Variants in SLC35F4 observed in about 807,000 individuals in gnomAD.
SLC35F4 encodes chromosome 14 open reading frame 36.
In SLC35F4, 24 loss-of-function variants were observed where a neutral mutation model predicts 44.2. The observed-to-expected ratio is 0.54, with a 90% CI of 0.39 to 0.76. The LOEUF (loss-of-function observed/expected upper bound fraction) is 0.76. Among genes scored for constraint, SLC35F4 ranks in the 30% least tolerant of loss-of-function variants. SLC35F4 has a pLI of 0.00. For synonymous variants in SLC35F4, 238 were observed against 223.6 expected, an observed-to-expected ratio of 1.06 and a Z score of -0.57; for missense variants, 562 against 586.1, an observed-to-expected ratio of 0.96 and a Z score of 0.42.
chr14:57,859,282 C>T (rs1887468211), intron 1 of SLC35F4, among the ~76,000 whole-genome samples: 1 of 152,110 alleles, frequency 6.6e-6, no homozygotes, highest in South Asian at 2.1e-4. Context: ...TTATTACAAA[C>T]AATATAGACC....
chr14:57,635,263 C>A (rs7492719), intron 1 of SLC35F4, among the ~76,000 whole-genome samples: 66,474 of 147,524 alleles, frequency 0.45, 15,542 homozygotes, highest in Non-Finnish European at 0.52. Context: ...AAAAAAAAAA[C>A]CCCAAATATC....
chr14:57,872,223 A>C (rs1048144957), intron 1 of SLC35F4, among the ~76,000 whole-genome samples: 1 of 152,208 alleles, frequency 6.6e-6, no homozygotes, highest in African/African-American at 2.4e-5. Flanking sequence ...TCTGCAGGAA[A>C]TATATTCACA....
rs184029510 is a variant in SLC35F4, at chr14:57,637,087, G to A, written c.104-42963C>T. On this transcript the variant is annotated intron_variant, in intron 1 of 7. Transcript: ENST00000556826. ...GTTTATACAAAGAAGCTTTGCATAC[G>A]TTATGTCATTGGACCTCAGAGCAAT... Among the ~76,000 whole-genome samples the A allele has an allele frequency of 3.6e-3, 546 of 152,144 alleles. 7 individuals carry two copies. The highest frequency in any genetic ancestry group is 0.011 in the African/African-American group (461 of 41,518).
In SLC35F4 at chr14:57,589,277, C is replaced by G. The variant is rs2070001091; in HGVS notation, c.526G>C (p.Val176Leu). ...GTGGCTAGATGACCAGAATAATAGA[C>G]TGGGAAAAACATAATGTTCCAGTTT... Reference protein sequence around the residue: ...STNWNIMFFPVYYSGHLATAQ... With the variant: ...STNWNIMFFPLYYSGHLATAQ... Residue 176 changes from valine to leucine, a missense_variant, in exon 3 of 8, where the codon GTC (valine) becomes CTC (leucine). Transcript: ENST00000556826. 6.2e-7 allele frequency: 1 copy of G among 1,613,886 alleles called. No homozygotes were observed. The highest frequency in any genetic ancestry group is 8.5e-7 in the Non-Finnish European group (1 of 1,179,866).
At chr14:57,908,153 T>C (rs1052330319) in intron 1 of SLC35F4, among the ~76,000 whole-genome samples, 13 of 152,362 alleles carry the variant, frequency 8.5e-5, no homozygotes, top group Admixed American at 5.2e-4. Context: ...TAGTAGTCCA[T>C]GGTTTATAAG....
intron 1 of SLC35F4, among the ~76,000 whole-genome samples, chr14:57,864,302 ATAG>A (rs1430240146): frequency 1.3e-5 from 2 of 152,242 alleles, no homozygotes; most frequent in African/African-American, 2.4e-5. Context: ...TTTTGAGTGT[ATAG>A]TACTTCAAAG....
intron 1 of SLC35F4, among the ~76,000 whole-genome samples, chr14:57,819,083 A>G (rs544247100): frequency 8.5e-5 from 13 of 152,292 alleles, no homozygotes; most frequent in Middle Eastern, 3.4e-3. Flanking sequence ...TAGAAGAGAC[A>G]AAATTGTCCT....
intron 1 of SLC35F4, among the ~76,000 whole-genome samples, chr14:57,736,294 A>G (rs1458972842): frequency 6.6e-6 from 1 of 152,138 alleles, no homozygotes; most frequent in Non-Finnish European, 1.5e-5. Context: ...CTTTACCCCA[A>G]TAGAAGTTTG....
At chr14:57,980,214 T>C (rs1006495594) in intron 1 of SLC35F4, among the ~76,000 whole-genome samples, 7 of 152,312 alleles carry the variant, frequency 4.6e-5, no homozygotes, top group Admixed American at 2.6e-4. Flanking sequence ...TAGAAAAATA[T>C]ACCTATCTTA....
intron 1 of SLC35F4, 107 bp from the exon 2 acceptor site, chr14:57,594,231 C>T: frequency 8.8e-7 from 1 of 1,138,612 alleles, no homozygotes; most frequent in South Asian, 1.6e-5. Flanking sequence ...ACTCTGTCAC[C>T]CAGGCTAGAG....
At chr14:57,928,932 G>T (rs901886583) in intron 1 of SLC35F4, among the ~76,000 whole-genome samples, 1 of 152,176 alleles carries the variant, frequency 6.6e-6, no homozygotes, top group African/African-American at 2.4e-5. Context: ...TTCAACAGAG[G>T]AAAAGAGGAA....
In SLC35F4 at chr14:57,865,791, G is replaced by A. The variant is rs1374249958; in HGVS notation, c.35C>T (p.Thr12Ile). 1.3e-6 allele frequency: 2 copies of A among 1,521,526 alleles called. No homozygotes were observed. The highest frequency in any genetic ancestry group is 1.8e-6 in the Non-Finnish European group (2 of 1,141,108). 94.3% of individuals were successfully genotyped at this position (1,521,526 alleles called of 1,614,324 possible). A position where few individuals can be genotyped will look rare whatever the true frequency, so the allele number is the denominator to read the frequency against. The stretch of plus-strand genomic sequence containing the variant: ...GATCCGCAGGATCCGGTCCTCGATA[G>A]TGGCCACCCCGTTGGGGGCCGCCTT... Reference protein sequence around the residue: ...DVKAAPNGVATIEDRILRITG... With the variant: ...DVKAAPNGVAIIEDRILRITG... The change falls in exon 1 of 8, where the codon ACT (threonine) becomes ATT (isoleucine). Residue 12 changes from threonine to isoleucine, a missense_variant. Physicochemically the swap from Thr to Ile is moderately conservative, Grantham distance 89. Coordinates refer to ENST00000556826, the MANE Select transcript of SLC35F4 (RefSeq NM_001306087.2).
chr14:57,574,998 CAT>C (rs1171439495), intron 4 of SLC35F4, among the ~76,000 whole-genome samples: 1 of 152,136 alleles, frequency 6.6e-6, no homozygotes, highest in African/African-American at 2.4e-5. Context: ...CAAAAATGCT[CAT>C]ATGTGTTCAT....
intron 1 of SLC35F4, among the ~76,000 whole-genome samples, chr14:57,604,450 C>A (rs542900039): frequency 6.6e-6 from 1 of 152,056 alleles, no homozygotes; most frequent in Non-Finnish European, 1.5e-5. Flanking sequence ...TGAAAGAAAT[C>A]ATAGATGACA....
Position 57,569,922 on chromosome 14 carries a change from G to T in SLC35F4, c.992C>A (p.Ser331Tyr), listed in dbSNP as rs756375607. The T allele has an allele frequency of 2.5e-6, 4 of 1,612,764 alleles. No homozygotes were observed. The highest frequency in any genetic ancestry group is 3.4e-6 in the Non-Finnish European group (4 of 1,179,508). Residue 331 changes from serine to tyrosine, a missense_variant, in exon 6 of 8, where the codon TCC becomes TAC. Physicochemically the swap from Ser to Tyr is moderately radical, Grantham distance 144. Coordinates refer to ENST00000556826, the MANE Select transcript of SLC35F4 (RefSeq NM_001306087.2). The part of the protein sequence containing the change: ...ANFGEAAHFV[S>Y]TLGFFNLIFI... ...GATCAAATTGAAGAAACCCAAGGTG[G>T]AGACAAAGTGTGCAGCTTCCCCAAA... is the stretch of plus-strand genomic sequence containing the variant.
In SLC35F4 at chr14:57,742,144, G is replaced by T. The variant is rs141035697; in HGVS notation, c.103+123579C>A. Among the ~76,000 whole-genome samples, 237 of 152,224 alleles carry T rather than the reference G, an allele frequency of 1.6e-3. 1 individual carries two copies. The highest frequency in any genetic ancestry group is 5.2e-3 in the African/African-American group (216 of 41,548). On this transcript the variant is annotated intron_variant, in intron 1 of 7. Coordinates refer to ENST00000556826, the MANE Select transcript of SLC35F4 (RefSeq NM_001306087.2). ...ATGCCAAATTGTAAAGACCATCCAG[G>T]CTAGGAAGAAACTGCATCAACTAAC...
At chr14:57,864,457 A>G (rs1270535454) in intron 1 of SLC35F4, among the ~76,000 whole-genome samples, 1 of 152,224 alleles carries the variant, frequency 6.6e-6, no homozygotes, top group African/African-American at 2.4e-5. Flanking sequence ...CTTTCCTGAA[A>G]CCAGATGAAA....
intron 1 of SLC35F4, among the ~76,000 whole-genome samples, chr14:57,595,172 CTTGT>C (rs891522558): frequency 6.6e-6 from 1 of 152,152 alleles, no homozygotes; most frequent in Admixed American, 6.5e-5. Flanking sequence ...GTTGTTCAGT[CTTGT>C]TTATCATAAC....
chr14:57,638,146 T>C (rs1465219447), intron 1 of SLC35F4, among the ~76,000 whole-genome samples: 1 of 152,142 alleles, frequency 6.6e-6, no homozygotes, highest in African/African-American at 2.4e-5. Flanking sequence ...ATTGAAACAA[T>C]TGCAGCTCAT....
Sources: allele counts gnomAD v4.1 joint callset (sites outside exome capture counted in the v4.1 genomes callset), GRCh38; gene constraint gnomAD v4.1.1; transcripts MANE v1.5; gene names NCBI Gene and HGNC (gene_info 2026-07-23, HGNC 2026-07-21).